Variants in SIK2 observed in about 807,000 individuals in gnomAD.
SIK2 encodes serine/threonine-protein kinase SIK2.
SIK2 carries 29 observed loss-of-function variants against 103.2 expected under a neutral mutation model. The observed-to-expected ratio is 0.28, with a 90% CI of 0.21 to 0.38. SIK2 has a LOEUF of 0.38. Among genes scored for constraint, SIK2 ranks in the 10% least tolerant of loss-of-function variants. SIK2 has a pLI of 1.00. For missense variants in SIK2, 879 were observed against 1,171.0 expected, an observed-to-expected ratio of 0.75 and a Z score of 3.64; for synonymous variants, 412 against 446.1, an observed-to-expected ratio of 0.92 and a Z score of 0.96.
intron 9 of SIK2, among the ~76,000 whole-genome samples, chr11:111,712,628 C>G (rs1035464350): frequency 3.3e-5 from 5 of 152,184 alleles, no homozygotes; most frequent in African/African-American, 1.2e-4. Flanking sequence ...CTGTCTTTCT[C>G]GCTCACTAAT....
At chr11:111,715,527 T>C (rs1046152009) in intron 9 of SIK2, among the ~76,000 whole-genome samples, 3 of 152,194 alleles carry the variant, frequency 2.0e-5, no homozygotes, top group African/African-American at 7.2e-5. Flanking sequence ...GTGCTTAAAA[T>C]TGTCAGTAAA....
At chr11:111,617,060 C>CT (rs555442213) in intron 2 of SIK2, among the ~76,000 whole-genome samples, 4 of 152,000 alleles carry the variant, frequency 2.6e-5, no homozygotes, top group African/African-American at 7.2e-5. Flanking sequence ...AATAAATTTG[C>CT]TTTTTTTAAA....
At chr11:111,697,068 G>T (rs1007852211) in intron 4 of SIK2, among the ~76,000 whole-genome samples, 29 of 152,126 alleles carry the variant, frequency 1.9e-4, no homozygotes, top group African/African-American at 5.8e-4. Flanking sequence ...TTTTTGACAT[G>T]CCAGTGAGAG....
intron 3 of SIK2, among the ~76,000 whole-genome samples, chr11:111,628,450 C>CTTTCTTTCTTTCTTTCTTTCTTTCTTTCT (rs1555025769): frequency 7.1e-6 from 1 of 139,936 alleles, no homozygotes; most frequent in Non-Finnish European, 1.5e-5. Context: ...TTCTTTCTTT[C>CTTTCTTTCTTTCTTTCTTTCTTTCTTTCT]TTTTTTGAGA....
chr11:111,721,882 A>T lies in SIK2; in HGVS notation c.1997A>T (p.His666Leu), dbSNP rs776464915. Reference protein sequence around the residue: ...ESVSTLPASVHPQLSPRQSLE... With the variant: ...ESVSTLPASVLPQLSPRQSLE... Reference sequence around the variant, plus strand: ...GTCTCCACTCTCCCTGCCAGCGTGCATCCCCAGCTGTCCCCACGGCAGAGC... The same window carrying T: ...GTCTCCACTCTCCCTGCCAGCGTGCTTCCCCAGCTGTCCCCACGGCAGAGC... Residue 666 changes from histidine to leucine, a missense_variant, in exon 13 of 15, where the codon CAT (histidine) becomes CTT (leucine). This residue lies in a region of SIK2 where 375 missense variants were observed against 416.3 expected (regional missense o/e 0.90). Transcript: ENST00000304987. 6.2e-7 allele frequency: 1 copy of T among 1,612,828 alleles called. No individual in the cohort carries two copies. The highest frequency in any genetic ancestry group is 1.3e-5 in the African/African-American group (1 of 74,872).
chr11:111,603,477 A>G (rs916840538), intron 1 of SIK2, among the ~76,000 whole-genome samples: 1 of 152,052 alleles, frequency 6.6e-6, no homozygotes, highest in Non-Finnish European at 1.5e-5. Context: ...TTTAAACCAT[A>G]TCAGATTCTG....
chr11:111,617,302 C>A (rs1941820528), intron 2 of SIK2, among the ~76,000 whole-genome samples: 2 of 152,120 alleles, frequency 1.3e-5, no homozygotes, highest in Admixed American at 6.5e-5. Flanking sequence ...ACGAGTAATT[C>A]ATGTTTAAGA....
chr11:111,656,405 A>G (rs1388829109), intron 3 of SIK2, among the ~76,000 whole-genome samples: 1 of 152,194 alleles, frequency 6.6e-6, no homozygotes, highest in Non-Finnish European at 1.5e-5. Flanking sequence ...ATGTATTTAT[A>G]TGCACATAAT....
intron 3 of SIK2, among the ~76,000 whole-genome samples, chr11:111,642,361 A>G (rs747271142): frequency 1.3e-5 from 2 of 152,158 alleles, no homozygotes; most frequent in Admixed American, 6.5e-5. Context: ...GGGAATTCCC[A>G]TGACTCTCTA....
At chr11:111,664,571 G>A (rs1942509758) in intron 3 of SIK2, among the ~76,000 whole-genome samples, 1 of 152,144 alleles carries the variant, frequency 6.6e-6, no homozygotes, top group Non-Finnish European at 1.5e-5. Context: ...AGCCAAGATC[G>A]CGCCACTGCA....
chr11:111,614,671 G>A lies in SIK2; in HGVS notation c.136-1572G>A, dbSNP rs1941780066. 2.6e-5 allele frequency among the ~76,000 whole-genome samples: 4 copies of A among 152,308 alleles called. No individual in the cohort carries two copies. The South Asian group carries it at 8.3e-4, about 32-fold the overall frequency. On this transcript the variant is annotated intron_variant, in intron 1 of 14. Coordinates refer to ENST00000304987, the MANE Select transcript of SIK2 (RefSeq NM_015191.3). ...TGGTCTTGCTGTCTTAGTGGTGGAA[G>A]AAAATTTGTGTATCAGTGAACCCAC... is the stretch of plus-strand genomic sequence containing the variant.
chr11:111,634,892 G>C (rs1218952029), intron 3 of SIK2, among the ~76,000 whole-genome samples: 2 of 152,178 alleles, frequency 1.3e-5, no homozygotes, highest in Non-Finnish European at 2.9e-5. Context: ...TGTTAACATA[G>C]AAAGATATTA....
intron 3 of SIK2, among the ~76,000 whole-genome samples, chr11:111,644,392 A>G (rs183112370): frequency 6.7e-6 from 1 of 149,990 alleles, no homozygotes; most frequent in African/African-American, 2.5e-5. Context: ...TTTTACATTT[A>G]AAAAAAAAGG....
Position 111,602,588 on chromosome 11 carries a change from C to T in SIK2, c.25C>T (p.His9Tyr). Residue 9 changes from histidine (H) to tyrosine (Y), a missense_variant, in exon 1 of 15, where the codon CAC becomes TAC. His to Tyr is a moderately conservative substitution (Grantham distance 83, BLOSUM62 2). Coordinates refer to ENST00000304987, the MANE Select transcript of SIK2 (RefSeq NM_015191.3). This position sits in a 1 kb window ranked among gnomAD's most constrained non-coding sequence, Gnocchi z 4.5. ...CATGGTCATGGCGGATGGCCCGAGGCACTTGCAGCGCGGGCCGGTCCGGGT... is the reference window on the plus strand; with the variant it reads ...CATGGTCATGGCGGATGGCCCGAGGTACTTGCAGCGCGGGCCGGTCCGGGT... MVMADGPR[H>Y]LQRGPVRVGF... The T allele has an allele frequency of 6.5e-7, 1 of 1,530,288 alleles. No homozygotes were observed. Among genetic ancestry groups the T allele is most frequent in the Non-Finnish European group, 8.8e-7 (1 of 1,138,744 alleles). The allele number at this position is 1,530,288 out of a possible 1,614,324, so 94.8% of individuals were successfully genotyped here.
At chr11:111,682,851 T>G (rs148425681) in intron 3 of SIK2, among the ~76,000 whole-genome samples, 1 of 152,346 alleles carries the variant, frequency 6.6e-6, no homozygotes, top group Admixed American at 6.5e-5. Flanking sequence ...CTAGTATTTC[T>G]CAGACTATCA....
chr11:111,672,365 TG>T, intron 3 of SIK2: 1 of 527,320 alleles, frequency 1.9e-6, no homozygotes, highest in Non-Finnish European at 3.0e-6. Context: ...GGGCCAGAGG[TG>T]GACACCTTGT....
intron 8 of SIK2, among the ~76,000 whole-genome samples, chr11:111,710,426 T>C (rs1943464918): frequency 6.6e-6 from 1 of 152,236 alleles, no homozygotes; most frequent in Admixed American, 6.5e-5. Flanking sequence ...GTGATATTAA[T>C]ATTGGAATAT....
At chr11:111,642,140 TGGA>T (rs1942191647) in intron 3 of SIK2, among the ~76,000 whole-genome samples, 1 of 151,634 alleles carries the variant, frequency 6.6e-6, no homozygotes, top group South Asian at 2.1e-4. Context: ...ATGCGGAGGG[TGGA>T]GGGGCTCCCT....
At chr11:111,611,791 G>A (rs1941729750) in intron 1 of SIK2, among the ~76,000 whole-genome samples, 1 of 152,064 alleles carries the variant, frequency 6.6e-6, no homozygotes, top group South Asian at 2.1e-4. Context: ...TTCCTTTCTT[G>A]ACCTACTTTC....
Sources: allele counts gnomAD v4.1 joint callset (sites outside exome capture counted in the v4.1 genomes callset), GRCh38; gene constraint gnomAD v4.1.1; regional missense constraint gnomAD v4.1.1; non-coding constraint Gnocchi (gnomAD v3.1); transcripts MANE v1.5; gene names NCBI Gene and HGNC (gene_info 2026-07-23, HGNC 2026-07-21).